The following RPN2 variants were observed in gnomAD, a reference collection of about 807,000 sequenced individuals.
RPN2 encodes the protein dolichyl-diphosphooligosaccharide--protein glycosyltransferase subunit 2.
RPN2 carries 29 observed loss-of-function variants against 71.4 expected under a neutral mutation model. The observed-to-expected ratio is 0.41, with a 90% CI of 0.30 to 0.55. The LOEUF (loss-of-function observed/expected upper bound fraction) is 0.55, where lower values mean the gene tolerates loss of function less well. Among genes scored for constraint, RPN2 ranks in the 20% least tolerant of loss-of-function variants. The pLI, the probability that RPN2 is intolerant of heterozygous loss-of-function variation, is 0.35. For missense variants in RPN2, 726 were observed against 774.1 expected, an observed-to-expected ratio of 0.94 and a Z score of 0.74; for synonymous variants, 308 against 305.0, an observed-to-expected ratio of 1.01 and a Z score of -0.10.
At chr20:37,180,380 C>G (rs966288890) in intron 1 of RPN2, among the ~76,000 whole-genome samples, 3 of 152,300 alleles carry the variant, frequency 2.0e-5, no homozygotes, top group Middle Eastern at 3.4e-3. Flanking sequence ...AAATAGCCAC[C>G]TTGCTTAGAT....
At chr20:37,180,317 C>CT (rs1278154322) in intron 1 of RPN2, among the ~76,000 whole-genome samples, 1 of 152,178 alleles carries the variant, frequency 6.6e-6, no homozygotes, top group Non-Finnish European at 1.5e-5. Flanking sequence ...GTGATGTGTC[C>CT]TAGGGCAGGT....
At chr20:37,196,207 G>C (rs538027836) in intron 2 of RPN2, among the ~76,000 whole-genome samples, 16 of 150,808 alleles carry the variant, frequency 1.1e-4, no homozygotes, top group African/African-American at 3.9e-4. Context: ...CTACAGGTGA[G>C]CGCCACCGTG....
At chr20:37,195,627 T>C (rs1237562410) in intron 2 of RPN2, among the ~76,000 whole-genome samples, 1 of 152,238 alleles carries the variant, frequency 6.6e-6, no homozygotes, top group African/African-American at 2.4e-5. Context: ...AGAACAGCGT[T>C]TGACACATTT....
At chr20:37,233,575 C>T (rs984602859) in intron 14 of RPN2, among the ~76,000 whole-genome samples, 1 of 152,200 alleles carries the variant, frequency 6.6e-6, no homozygotes, top group Non-Finnish European at 1.5e-5. Context: ...CCTGTCCTTA[C>T]ATTTCAGTGA....
intron 4 of RPN2, 27 bp from the exon 5 acceptor site, chr20:37,203,858 A>T (rs1359775144): frequency 6.4e-7 from 1 of 1,557,512 alleles, no homozygotes; most frequent in Non-Finnish European, 8.9e-7. Flanking sequence ...CTTGCCATTC[A>T]TTGGGGTTCT....
chr20:37,198,326 A>G, intron 2 of RPN2, 71 bp from the exon 3 acceptor site: 1 of 1,612,974 alleles, frequency 6.2e-7, no homozygotes, highest in South Asian at 1.1e-5. Context: ...AATGTTATCT[A>G]AAAACGCCTT....
At chr20:37,185,469 A>G (rs79388493) in intron 2 of RPN2, among the ~76,000 whole-genome samples, 1 of 152,268 alleles carries the variant, frequency 6.6e-6, no homozygotes, top group African/African-American at 2.4e-5. Flanking sequence ...CATTTTATTC[A>G]TTATAGTAGT....
At chr20:37,219,350 C>T (rs1270080857) in intron 9 of RPN2, among the ~76,000 whole-genome samples, 1 of 152,000 alleles carries the variant, frequency 6.6e-6, no homozygotes, top group African/African-American at 2.4e-5. Flanking sequence ...AATCCATTGT[C>T]CATTGAAAAA....
intron 1 of RPN2, among the ~76,000 whole-genome samples, chr20:37,182,850 GTTTT>G (rs1463924433): frequency 3.3e-5 from 5 of 152,124 alleles, no homozygotes; most frequent in Admixed American, 1.3e-4. Flanking sequence ...ATTCAAAAGT[GTTTT>G]TTGTTTTGTT....
At chr20:37,196,062 C>CT (rs879480772) in intron 2 of RPN2, among the ~76,000 whole-genome samples, 75 of 145,970 alleles carry the variant, frequency 5.1e-4, no homozygotes, top group African/African-American at 8.7e-4. Flanking sequence ...GCACCCCGCG[C>CT]TTTTTTTTTT....
intron 2 of RPN2, among the ~76,000 whole-genome samples, chr20:37,196,813 G>C (rs1568969009): frequency 6.6e-6 from 1 of 152,178 alleles, no homozygotes; most frequent in Non-Finnish European, 1.5e-5. Context: ...AGTAGCGGGG[G>C]CTTGGCGATT....
intron 4 of RPN2, among the ~76,000 whole-genome samples, chr20:37,201,503 G>A (rs2067390419): frequency 6.6e-6 from 1 of 152,028 alleles, no homozygotes; most frequent in Non-Finnish European, 1.5e-5. Flanking sequence ...GTACCCAACG[G>A]AGTTAATAAA....
chr20:37,221,478 G>C (rs6094132), intron 9 of RPN2, among the ~76,000 whole-genome samples: 2 of 152,124 alleles, frequency 1.3e-5, no homozygotes, highest in Non-Finnish European at 2.9e-5. Flanking sequence ...GATTACAGGC[G>C]TGAGCCACCA....
intron 16 of RPN2, among the ~76,000 whole-genome samples, chr20:37,237,465 C>T (rs1237123570): frequency 2.6e-5 from 4 of 152,202 alleles, no homozygotes; most frequent in East Asian, 1.9e-4. Flanking sequence ...CTATCCAGGA[C>T]GTTTGCTGGA....
Position 37,184,219 on chromosome 20 carries a change from C to A in RPN2, c.53C>A (p.Ala18Asp), listed in dbSNP as rs1253810194. Residue 18 changes from alanine (A) to aspartate (D), a missense_variant, in exon 2 of 17, where the codon GCC (alanine) becomes GAC (aspartate). Physicochemically the swap from Ala to Asp is moderately radical, Grantham distance 126 (BLOSUM62 -2). Transcript: ENST00000237530. The stretch of plus-strand genomic sequence containing the variant: ...TTCCTGTTGGCCCTGACAATCATAG[C>A]CAGCACCTGGGCTCTGACGCCCACT... ...TVFLLALTII[A>D]STWALTPTHY... 3.1e-6 allele frequency: 5 copies of A among 1,614,194 alleles called. No homozygotes were observed. The highest frequency in any genetic ancestry group is 4.2e-6 in the Non-Finnish European group (5 of 1,180,034).
chr20:37,219,056 C>T (rs1429259143), intron 9 of RPN2, among the ~76,000 whole-genome samples: 1 of 152,072 alleles, frequency 6.6e-6, no homozygotes, highest in African/African-American at 2.4e-5. Context: ...AGAATTCCTG[C>T]GTCATATGGT....
intron 7 of RPN2, among the ~76,000 whole-genome samples, chr20:37,208,503 C>T (rs972531230): frequency 3.3e-5 from 5 of 152,130 alleles, no homozygotes; most frequent in African/African-American, 1.2e-4. Flanking sequence ...TAGGCTTCCT[C>T]CAGTACCCAA....
At chr20:37,222,732 G>A (rs2067991141) in intron 9 of RPN2, among the ~76,000 whole-genome samples, 2 of 152,180 alleles carry the variant, frequency 1.3e-5, no homozygotes, top group African/African-American at 2.4e-5. Context: ...TTACAGATCT[G>A]TTTGCACATA....
At chr20:37,224,050 G>C in intron 10 of RPN2, 81 bp downstream of exon 10, 1 of 1,109,664 alleles carries the variant, frequency 9.0e-7, no homozygotes, top group South Asian at 1.3e-5. Flanking sequence ...GAGCCCTGCA[G>C]GCATCAGTTC....
Sources: allele counts gnomAD v4.1 joint callset (sites outside exome capture counted in the v4.1 genomes callset), GRCh38; gene constraint gnomAD v4.1.1; transcripts MANE v1.5; gene names NCBI Gene and HGNC (gene_info 2026-07-23, HGNC 2026-07-21).